FAM107B: variants seen among roughly 807,000 people sequenced by gnomAD.
FAM107B encodes the protein family with sequence similarity 107 member B.
A neutral mutation model predicts 31.5 loss-of-function variants in FAM107B; 21 were observed. The ratio of observed to expected loss-of-function variants is 0.67; its 90% CI spans 0.47 to 0.96. The LOEUF is 0.96. Ranked by LOEUF, FAM107B falls within the 40% of genes least tolerant of loss-of-function variation. The pLI is 0.00. For synonymous variants in FAM107B, 157 were observed against 141.5 expected (o/e 1.11, Z -0.78); for missense variants, 452 against 377.1 (o/e 1.20, Z -1.64).
chr10:14,734,636 C>A (rs564759172), intron 1 of FAM107B, among the ~76,000 whole-genome samples: 6 of 152,100 alleles, frequency 3.9e-5, no homozygotes, highest in African/African-American at 1.2e-4. Context: ...TAAGAATGAG[C>A]AGGACCTGTG....
At chr10:14,647,784 C>T (rs1466740906) in intron 2 of FAM107B, among the ~76,000 whole-genome samples, 1 of 151,702 alleles carries the variant, frequency 6.6e-6, no homozygotes, top group Non-Finnish European at 1.5e-5. Context: ...CTGGACTCAT[C>T]TCAGAGTTAT....
At chr10:14,761,397 T>A (rs1418821814) in intron 1 of FAM107B, among the ~76,000 whole-genome samples, 1 of 152,166 alleles carries the variant, frequency 6.6e-6, no homozygotes, top group African/African-American at 2.4e-5. Context: ...AAAGTACCCA[T>A]ACAGTTATAC....
intron 2 of FAM107B, among the ~76,000 whole-genome samples, chr10:14,629,355 A>T (rs1490385687): frequency 1.1e-5 from 1 of 90,528 alleles, no homozygotes; most frequent in African/African-American, 4.4e-5. Context: ...TTATATATAT[A>T]ATATATATTA....
chr10:14,745,092 T>C (rs1243214138), intron 1 of FAM107B, among the ~76,000 whole-genome samples: 1 of 152,218 alleles, frequency 6.6e-6, no homozygotes, highest in Non-Finnish European at 1.5e-5. Context: ...TTCATTCGCA[T>C]AGAGGTGTTT....
At chr10:14,561,546 G>A (rs1409731948) in intron 2 of FAM107B, among the ~76,000 whole-genome samples, 2 of 152,184 alleles carry the variant, frequency 1.3e-5, no homozygotes, top group African/African-American at 4.8e-5. Flanking sequence ...GAGGCGGCAT[G>A]ATCAGGAACT....
At chr10:14,646,740 G>A (rs1853764231) in intron 2 of FAM107B, among the ~76,000 whole-genome samples, 4 of 148,878 alleles carry the variant, frequency 2.7e-5, no homozygotes, top group East Asian at 2.0e-4. Flanking sequence ...TTGAGAGCTC[G>A]CCATACTGTT....
intron 2 of FAM107B, among the ~76,000 whole-genome samples, chr10:14,630,482 A>C (rs911155175): frequency 1.3e-5 from 2 of 152,054 alleles, no homozygotes; most frequent in Non-Finnish European, 2.9e-5. Context: ...TTTCCCTTTC[A>C]AAACTATGTT....
intron 1 of FAM107B, among the ~76,000 whole-genome samples, chr10:14,758,710 C>A (rs773318795): frequency 6.6e-6 from 1 of 151,700 alleles, no homozygotes; most frequent in Non-Finnish European, 1.5e-5. Context: ...GTGAAATATT[C>A]ATCTTAAGTT....
intron 2 of FAM107B, among the ~76,000 whole-genome samples, chr10:14,635,091 C>CA (rs370711969): frequency 7.4e-5 from 4 of 53,970 alleles, no homozygotes; most frequent in Admixed American, 2.6e-4. Flanking sequence ...AACCTATCTC[C>CA]AAAAAAAAGA....
intron 1 of FAM107B, among the ~76,000 whole-genome samples, chr10:14,730,300 A>C (rs1308693997): frequency 6.6e-6 from 1 of 152,244 alleles, no homozygotes; most frequent in African/African-American, 2.4e-5. Context: ...AAGTTCTCCC[A>C]GGTGAGTTTA....
At chr10:14,523,145 T>G (rs1210840884) in intron 3 of FAM107B, among the ~76,000 whole-genome samples, 1 of 152,252 alleles carries the variant, frequency 6.6e-6, no homozygotes, top group Non-Finnish European at 1.5e-5. Context: ...GTTTAACTGT[T>G]AGCTTAAGAT....
chr10:14,598,281 C>A (rs962944848), intron 2 of FAM107B, among the ~76,000 whole-genome samples: 4 of 152,148 alleles, frequency 2.6e-5, no homozygotes, highest in Admixed American at 6.5e-5. Context: ...CCTATGTTTT[C>A]TTCTAGGAGT....
At chr10:14,634,159 G>T (rs1460262070) in intron 2 of FAM107B, among the ~76,000 whole-genome samples, 6 of 152,180 alleles carry the variant, frequency 3.9e-5, no homozygotes, top group Non-Finnish European at 7.3e-5. Context: ...CACTTTGGGA[G>T]GCCAAGGTGG....
intron 1 of FAM107B, among the ~76,000 whole-genome samples, chr10:14,772,959 C>T (rs1172849921): frequency 6.6e-6 from 1 of 152,162 alleles, no homozygotes; most frequent in Non-Finnish European, 1.5e-5. Flanking sequence ...AACTGTACAT[C>T]ATTGGTACCA....
intron 2 of FAM107B, among the ~76,000 whole-genome samples, chr10:14,660,268 T>G (rs1854198072): frequency 6.6e-6 from 1 of 152,164 alleles, no homozygotes; most frequent in South Asian, 2.1e-4. Context: ...GGAAACTTGT[T>G]TCAGCATTCA....
At chr10:14,572,113 C>T (rs1851275163) in intron 2 of FAM107B, 1 of 985,286 alleles carries the variant, frequency 1.0e-6, no homozygotes, top group African/African-American at 1.7e-5. Context: ...CAAAGAGAAA[C>T]ACTCTAGCAA....
At chr10:14,660,646 C>T (rs1854209785) in intron 2 of FAM107B, among the ~76,000 whole-genome samples, 1 of 152,176 alleles carries the variant, frequency 6.6e-6, no homozygotes, top group Non-Finnish European at 1.5e-5. Flanking sequence ...TTCAAATATT[C>T]AATTGAATCT....
chr10:14,771,035 A>T (rs1833290847), intron 1 of FAM107B, among the ~76,000 whole-genome samples: 1 of 151,884 alleles, frequency 6.6e-6, no homozygotes, highest in South Asian at 2.1e-4. Flanking sequence ...GAGGCAGCTT[A>T]AATAATGAGG....
chr10:14,677,672 A>G (rs1348932748), intron 1 of FAM107B, among the ~76,000 whole-genome samples: 1 of 151,962 alleles, frequency 6.6e-6, no homozygotes, highest in Non-Finnish European at 1.5e-5. Flanking sequence ...CCCCACACCC[A>G]GAGATTCTGA....
Sources: gnomAD v4.1 joint callset for allele counts (sites outside exome capture counted in the v4.1 genomes callset) on GRCh38, gnomAD v4.1.1 for gene constraint, MANE v1.5 for transcripts, NCBI Gene and HGNC (gene_info 2026-07-23, HGNC 2026-07-21) for gene names.